The following PTPRN2 variants were observed in gnomAD, a reference collection of about 807,000 sequenced individuals.
PTPRN2 encodes protein tyrosine phosphatase receptor type N2.
A neutral mutation model predicts 118.8 loss-of-function variants in PTPRN2; 74 were observed. The observed-to-expected ratio is 0.62, with a 90% CI of 0.52 to 0.76. PTPRN2 has a LOEUF of 0.76. PTPRN2 is among the 30% of genes least tolerant of loss of function. The pLI, the probability that PTPRN2 is intolerant of heterozygous loss-of-function variation, is 0.00. For synonymous variants in PTPRN2, 641 were observed against 608.0 expected, an observed-to-expected ratio of 1.05 and a Z score of -0.80; for missense variants, 1,481 against 1,394.4, an observed-to-expected ratio of 1.06 and a Z score of -0.99.
intron 2 of PTPRN2, among the ~76,000 whole-genome samples, chr7:158,346,203 A>G (rs1315351825): frequency 6.6e-6 from 1 of 152,232 alleles, no homozygotes; most frequent in Non-Finnish European, 1.5e-5. Flanking sequence ...GAGATGTATA[A>G]CCGTCTACTG....
At chr7:158,190,404 T>C (rs759700360) in intron 5 of PTPRN2, among the ~76,000 whole-genome samples, 2 of 152,152 alleles carry the variant, frequency 1.3e-5, no homozygotes, top group Non-Finnish European at 2.9e-5. Context: ...TTTAAAATAG[T>C]GTTAAGTGGA....
intron 13 of PTPRN2, among the ~76,000 whole-genome samples, chr7:157,678,473 C>T (rs1386130332): frequency 6.6e-6 from 1 of 152,200 alleles, no homozygotes; most frequent in Non-Finnish European, 1.5e-5. Flanking sequence ...GACCTGTGCT[C>T]TTTGTCAGAA....
rs377413507 is a variant in PTPRN2, at chr7:158,020,439, G to A, written c.1723+60859C>T. Among the ~76,000 whole-genome samples, 10 of 152,320 alleles carry A rather than the reference G, an allele frequency of 6.6e-5. No individual in the cohort carries two copies. In the South Asian group the frequency reaches 1.5e-3, roughly 22 times the overall value. ...GAGGCCACCTGCAGCTCTGGGTTGCGGGGAACGTGAGGGACAAGAGGAGAG... is the reference window on the plus strand; with the variant it reads ...GAGGCCACCTGCAGCTCTGGGTTGCAGGGAACGTGAGGGACAAGAGGAGAG... On this transcript the variant is annotated intron_variant, in intron 11 of 22. Transcript: ENST00000389418.
At chr7:158,063,470 C>T (rs549749890) in intron 11 of PTPRN2, among the ~76,000 whole-genome samples, 59 of 152,306 alleles carry the variant, frequency 3.9e-4, no homozygotes, top group African/African-American at 1.4e-3. Context: ...GTGGGTGGGG[C>T]CAGATAAGGG....
intron 12 of PTPRN2, among the ~76,000 whole-genome samples, chr7:157,694,793 T>TA (rs1415610731): frequency 2.6e-5 from 4 of 152,032 alleles, no homozygotes; most frequent in Non-Finnish European, 4.4e-5. Flanking sequence ...CATGAGATCT[T>TA]AGACTTCATT....
chr7:158,411,894 A>G (rs1814126195), intron 2 of PTPRN2, among the ~76,000 whole-genome samples: 1 of 152,050 alleles, frequency 6.6e-6, no homozygotes, highest in African/African-American at 2.4e-5. Flanking sequence ...GAGGCTGCGC[A>G]CATGAGACTG....
intron 11 of PTPRN2, among the ~76,000 whole-genome samples, chr7:157,969,116 AAT>A (rs1802138881): frequency 7.5e-6 from 1 of 133,282 alleles, no homozygotes; most frequent in Non-Finnish European, 1.6e-5. Flanking sequence ...CCATGGCATC[AAT>A]GTTTCCTTTT....
intron 1 of PTPRN2, among the ~76,000 whole-genome samples, chr7:158,576,516 C>T (rs1408739833): frequency 6.6e-6 from 1 of 152,234 alleles, no homozygotes; most frequent in East Asian, 1.9e-4. Flanking sequence ...CCCACCAGCA[C>T]CTCTGCCTGC....
At chr7:157,546,169 A>G (rs1373770744) in intron 22 of PTPRN2, among the ~76,000 whole-genome samples, 1 of 152,224 alleles carries the variant, frequency 6.6e-6, no homozygotes. Flanking sequence ...GGAAGCAGCT[A>G]GGAAGCTGAC....
chr7:157,789,937 G>A (rs888183878), intron 12 of PTPRN2, among the ~76,000 whole-genome samples: 22 of 150,330 alleles, frequency 1.5e-4, no homozygotes, highest in Middle Eastern at 3.5e-3. Flanking sequence ...TGTGTGTATG[G>A]TATGTGGTGT....
Position 158,134,075 on chromosome 7 carries a change from T to A in PTPRN2, c.1174-16A>T. 6.2e-7 allele frequency: 1 copy of A among 1,605,360 alleles called. No individual in the cohort carries two copies. Among genetic ancestry groups the A allele is most frequent in the Non-Finnish European group, 8.5e-7 (1 of 1,174,670 alleles). On this transcript the variant is annotated splice_polypyrimidine_tract_variant and intron_variant, in intron 8 of 22. Coordinates refer to ENST00000389418, the MANE Select transcript of PTPRN2 (RefSeq NM_002847.5). ...GACGATGGACCTGACAGAGAGGACATTCCGTGAGGGACGTCTGCGAAAGGA... is the reference window on the plus strand; with the variant it reads ...GACGATGGACCTGACAGAGAGGACAATCCGTGAGGGACGTCTGCGAAAGGA...
chr7:158,378,929 G>A (rs938831390), intron 2 of PTPRN2, among the ~76,000 whole-genome samples: 6 of 152,304 alleles, frequency 3.9e-5, no homozygotes, highest in East Asian at 3.9e-4. Context: ...AGAAGACCCC[G>A]CTCCCAGTCC....
Position 157,794,205 on chromosome 7 carries a change from CGACCCGGGCTCACA to C in PTPRN2, c.1788+104454_1788+104467del, listed in dbSNP as rs1804714061. Among the ~76,000 whole-genome samples, 1 of 142,088 alleles carries C rather than the reference CGACCCGGGCTCACA, an allele frequency of 7.0e-6. No homozygotes were observed. Among genetic ancestry groups the C allele is most frequent in the African/African-American group, 3.0e-5 (1 of 33,874 alleles). The allele number at this position is 142,088 out of a possible 152,430, so 93.2% of individuals were successfully genotyped here. The stretch of plus-strand genomic sequence containing the variant: ...CTGCCCTGACCCGGGATCACACCTC[CGACCCGGGCTCACA>C]CCTCCCCTCGTTCTCTGCTCCGACC... On this transcript the variant is annotated intron_variant, in intron 12 of 22. Transcript: ENST00000389418. This position sits in a 1 kb window ranked among gnomAD's most constrained non-coding sequence, Gnocchi z 5.2.
chr7:158,229,947 A>C (rs541858047), intron 3 of PTPRN2, among the ~76,000 whole-genome samples: 1 of 152,048 alleles, frequency 6.6e-6, no homozygotes, highest in African/African-American at 2.4e-5. Context: ...GCATATAATA[A>C]TCAAACTCTC....
At position 157,874,008 on chromosome 7, in the gene PTPRN2, C is replaced by G. The variant is rs1197995162; in HGVS notation, c.1788+24665G>C. 6.6e-6 allele frequency among the ~76,000 whole-genome samples: 1 copy of G among 152,214 alleles called. No individual in the cohort carries two copies. The highest frequency in any genetic ancestry group is 1.5e-5 in the Non-Finnish European group (1 of 68,036). On this transcript the variant is annotated intron_variant, in intron 12 of 22. Transcript: ENST00000389418. The surrounding 1 kb of genome is among the most constrained non-coding windows in gnomAD (Gnocchi z 5.8). ...AAAGTCCCAGGACCCTGAGCAGCCTCGGGAAGAGCTCTCGGGACCTCGGGG... is the reference window on the plus strand; with the variant it reads ...AAAGTCCCAGGACCCTGAGCAGCCTGGGGAAGAGCTCTCGGGACCTCGGGG...
At chr7:157,772,938 C>A (rs895902362) in intron 12 of PTPRN2, among the ~76,000 whole-genome samples, 1 of 152,162 alleles carries the variant, frequency 6.6e-6, no homozygotes, top group African/African-American at 2.4e-5. Flanking sequence ...AGGCTGCATG[C>A]CGACTCCGGG....
rs113678633 is a variant in PTPRN2 at position 158,411,819 on chromosome 7, G to A, written c.163+77916C>T. On this transcript the variant is annotated intron_variant, in intron 2 of 22. Transcript: ENST00000389418. ...CAGGTCAGTCACTGGCCTTCCTCCC[G>A]GGCTGCTTCTCTGTGGCTCAGGGGA... Among the ~76,000 whole-genome samples, 711 of 152,224 alleles carry A rather than the reference G, an allele frequency of 4.7e-3. 4 individuals carry two copies. Among genetic ancestry groups the A allele is most frequent in the African/African-American group, 0.016 (671 of 41,520 alleles).
At chr7:157,793,915 C>G (rs1804685914) in intron 12 of PTPRN2, among the ~76,000 whole-genome samples, 1 of 152,172 alleles carries the variant, frequency 6.6e-6, no homozygotes, top group East Asian at 1.9e-4. Context: ...TCCCTCGGCC[C>G]CCTCTCTGCC....
At chr7:158,413,799 A>AG (rs1380527336) in intron 2 of PTPRN2, among the ~76,000 whole-genome samples, 1 of 152,228 alleles carries the variant, frequency 6.6e-6, no homozygotes, top group Non-Finnish European at 1.5e-5. Context: ...GTCCAGGCCC[A>AG]GCGGTCCTGA....
Sources: gnomAD v4.1 joint callset for allele counts (sites outside exome capture counted in the v4.1 genomes callset) on GRCh38, gnomAD v4.1.1 for gene constraint, Gnocchi (gnomAD v3.1) non-coding constraint, MANE v1.5 for transcripts, NCBI Gene and HGNC (gene_info 2026-07-23, HGNC 2026-07-21) for gene names.